ZZEF1: variants seen among roughly 807,000 people sequenced by gnomAD.
ZZEF1 encodes zinc finger ZZ-type and EF-hand domain-containing protein 1.
In ZZEF1, 157 loss-of-function variants were observed where a neutral mutation model predicts 342.8. The observed-to-expected ratio is 0.46, with a 90% CI of 0.40 to 0.52. The LOEUF (loss-of-function observed/expected upper bound fraction) is 0.52. Ranked by LOEUF, ZZEF1 falls within the 20% of genes least tolerant of loss-of-function variation. ZZEF1 has a pLI of 0.00. For synonymous variants in ZZEF1, 1,505 were observed against 1,429.1 expected (o/e 1.05, Z -1.20); for missense variants, 3,480 against 3,725.6 (o/e 0.93, Z 1.72).
intron 46 of ZZEF1, among the ~76,000 whole-genome samples, chr17:4,019,041 T>G (rs2056193607): frequency 6.6e-6 from 1 of 151,040 alleles, no homozygotes; most frequent in South Asian, 2.1e-4. Context: ...ATTTCTGGTT[T>G]CTTAGTTACC....
intron 42 of ZZEF1, among the ~76,000 whole-genome samples, chr17:4,027,331 G>T (rs2056433811): frequency 9.7e-6 from 1 of 103,392 alleles, no homozygotes; most frequent in Non-Finnish European, 1.8e-5. Context: ...TCTCGCTCTT[G>T]TTCCCCAGGC....
intron 43 of ZZEF1, 82 bp from the exon 44 acceptor site, chr17:4,022,910 C>T: frequency 6.5e-7 from 1 of 1,538,812 alleles, no homozygotes; most frequent in Non-Finnish European, 8.8e-7. Flanking sequence ...TCTGTTCATT[C>T]ACTCTTTCAT....
intron 1 of ZZEF1, among the ~76,000 whole-genome samples, chr17:4,127,939 TGACAAGCCA>T (rs1791070386): frequency 6.6e-6 from 1 of 152,134 alleles, no homozygotes; most frequent in Non-Finnish European, 1.5e-5. Context: ...GTCCACCAGT[TGACAAGCCA>T]GACACAAAGA....
Position 4,095,982 on chromosome 17 carries a change from G to A in ZZEF1, c.1765-3C>T. 1.2e-6 allele frequency: 2 copies of A among 1,605,554 alleles called. No homozygotes were observed. Among genetic ancestry groups the A allele is most frequent in the Non-Finnish European group, 1.7e-6 (2 of 1,175,384 alleles). On this transcript the variant is annotated splice_region_variant and splice_polypyrimidine_tract_variant and intron_variant, in intron 10 of 54. Transcript: ENST00000381638. ...GCACCAATGCCACCACGTCGAACCT[G>A]GAAACAGAGATTAGGATGAAGTCTA...
At chr17:4,013,056 TCCAGCCTGC>T (rs2056005521) in intron 52 of ZZEF1, among the ~76,000 whole-genome samples, 1 of 143,700 alleles carries the variant, frequency 7.0e-6, no homozygotes, top group African/African-American at 2.6e-5. Context: ...ACCACAGCAC[TCCAGCCTGC>T]GTGACAGAGT....
chr17:4,056,166 T>C, intron 33 of ZZEF1, 50 bp downstream of exon 33: 2 of 1,463,774 alleles, frequency 1.4e-6, no homozygotes, highest in Non-Finnish European at 1.8e-6. Context: ...AACTCTCCTC[T>C]CCAAACTCCT....
At chr17:4,104,551 CAGG>C (rs1488765804) in intron 8 of ZZEF1, 79 bp downstream of exon 8, 1 of 1,463,038 alleles carries the variant, frequency 6.8e-7, no homozygotes, top group Admixed American at 1.9e-5. Flanking sequence ...GAGAAGATAC[CAGG>C]AGGTCATATG....
chr17:4,112,443 G>A (rs536607866), intron 5 of ZZEF1, among the ~76,000 whole-genome samples, 166 bp downstream of exon 5: 73 of 152,250 alleles, frequency 4.8e-4, no homozygotes, highest in Middle Eastern at 6.8e-3. Flanking sequence ...AGCATGCCCC[G>A]ACGCTTTTCT....
At chr17:4,027,315 G>A (rs56039265) in intron 42 of ZZEF1, among the ~76,000 whole-genome samples, 1 of 52,174 alleles carries the variant, frequency 1.9e-5, no homozygotes. Flanking sequence ...TTTTTTTTGA[G>A]AGAAGTCTCG....
At chr17:4,054,862 G>A (rs978940626) in intron 33 of ZZEF1, among the ~76,000 whole-genome samples, 5 of 152,198 alleles carry the variant, frequency 3.3e-5, no homozygotes, top group African/African-American at 7.2e-5. Context: ...ACATTATAAG[G>A]GCTGGGACTG....
chr17:4,014,403 T>G lies in ZZEF1; in HGVS notation c.8258A>C (p.Gln2753Pro). 1 of 1,614,246 alleles carries G rather than the reference T, an allele frequency of 6.2e-7. No individual in the cohort carries two copies. Among genetic ancestry groups the G allele is most frequent in the Non-Finnish European group, 8.5e-7 (1 of 1,180,046 alleles). The change falls in exon 50 of 55, where the codon CAA becomes CCA. Residue 2753 changes from glutamine (Q) to proline (P), a missense_variant. This residue lies in a region of ZZEF1 where 1,269 missense variants were observed against 1,342.4 expected (regional missense o/e 0.95). Transcript: ENST00000381638. This position sits in a 1 kb window ranked among gnomAD's most constrained non-coding sequence, Gnocchi z 4.4. The stretch of plus-strand genomic sequence containing the variant: ...AGACCCGCTGAAGCTGTGTCGGTCT[T>G]GCTGGAAGTCACTGCTGCTGGACAT... Reference protein sequence around the residue: ...LAMSSSSDFQQDRHSFSGSQQ... With the variant: ...LAMSSSSDFQPDRHSFSGSQQ...
chr17:4,132,858 C>G (rs1381076335), intron 1 of ZZEF1, among the ~76,000 whole-genome samples: 2 of 149,816 alleles, frequency 1.3e-5, no homozygotes, highest in South Asian at 4.3e-4. Flanking sequence ...CCCAGCTACT[C>G]GGGAGACTGA....
In ZZEF1 at chr17:4,033,029, C is replaced by A. The variant is rs377432784; in HGVS notation, c.6585-27G>T. 39 of 1,545,362 alleles carry A rather than the reference C, an allele frequency of 2.5e-5. No homozygotes were observed. The African/African-American group carries it at 5.1e-4, about 20-fold the overall frequency. On this transcript the variant is annotated intron_variant, in intron 40 of 54. Coordinates refer to ENST00000381638, the MANE Select transcript of ZZEF1 (RefSeq NM_015113.4). The stretch of plus-strand genomic sequence containing the variant: ...TGGAAGGCAAGAGCTCCATTAGGGG[C>A]AGTACACAGGGCTCCAAACTCAACT...
chr17:4,129,019 G>C (rs1017459913), intron 1 of ZZEF1, among the ~76,000 whole-genome samples: 3 of 151,850 alleles, frequency 2.0e-5, no homozygotes, highest in African/African-American at 7.3e-5. Flanking sequence ...TGCCCACCTC[G>C]GCCTCCCAAA....
Position 4,142,688 on chromosome 17 carries a change from C to T in ZZEF1, c.208G>A (p.Glu70Lys). 1 of 1,606,118 alleles carries T rather than the reference C, an allele frequency of 6.2e-7. No homozygotes were observed. Among genetic ancestry groups the T allele is most frequent in the Non-Finnish European group, 8.5e-7 (1 of 1,179,176 alleles). Residue 70 changes from glutamate to lysine, a missense_variant, in exon 1 of 55, where the codon GAG becomes AAG. This residue lies in a region of ZZEF1 where 416 missense variants were observed against 374.2 expected (regional missense o/e 1.11). Transcript: ENST00000381638. ...CCGCGATGCCTCGACACCAGCGACTCGCAGGGGGGTGTGGGCAGCAACGCT... is the reference window on the plus strand; with the variant it reads ...CCGCGATGCCTCGACACCAGCGACTTGCAGGGGGGTGTGGGCAGCAACGCT... Reference protein sequence around the residue: ...AAALLPTPPCESLVSRHRGAL... With the variant: ...AAALLPTPPCKSLVSRHRGAL...
chr17:4,011,248 G>A (rs1466339644), intron 52 of ZZEF1, among the ~76,000 whole-genome samples: 2 of 151,980 alleles, frequency 1.3e-5, no homozygotes, highest in Non-Finnish European at 2.9e-5. Flanking sequence ...TAAAAAAACA[G>A]AAAAATTAGC....
chr17:4,074,695 A>G (rs1597852540), intron 23 of ZZEF1, among the ~76,000 whole-genome samples: 1 of 151,970 alleles, frequency 6.6e-6, no homozygotes, highest in South Asian at 2.1e-4. Flanking sequence ...GCAGTACTAA[A>G]CCTCCAGCCC....
At chr17:4,084,773 CGAA>C in intron 16 of ZZEF1, among the ~76,000 whole-genome samples, 1 of 152,288 alleles carries the variant, frequency 6.6e-6, no homozygotes, top group East Asian at 1.9e-4. Context: ...CTGAGGAACA[CGAA>C]GAAGTGGTCT....
intron 13 of ZZEF1, 51 bp downstream of exon 13, chr17:4,088,627 G>A (rs773642988): frequency 6.3e-7 from 1 of 1,583,330 alleles, no homozygotes; most frequent in Non-Finnish European, 8.6e-7. Flanking sequence ...TCTGAATACT[G>A]TCATTCACTT....
Sources: gnomAD v4.1 joint callset for allele counts (sites outside exome capture counted in the v4.1 genomes callset) on GRCh38, gnomAD v4.1.1 for gene constraint, gnomAD v4.1.1 regional missense constraint, Gnocchi (gnomAD v3.1) non-coding constraint, MANE v1.5 for transcripts, NCBI Gene and HGNC (gene_info 2026-07-23, HGNC 2026-07-21) for gene names.